Variants in SLC15A3 observed in about 807,000 individuals in gnomAD.
SLC15A3 encodes osteoclast transporter.
A neutral mutation model predicts 49.2 loss-of-function variants in SLC15A3; 39 were observed. The observed-to-expected ratio is 0.79, with a 90% CI of 0.61 to 1.04. The LOEUF (loss-of-function observed/expected upper bound fraction) is 1.04, where lower values mean the gene tolerates loss of function less well. Ranked by LOEUF, SLC15A3 falls within the 50% of genes least tolerant of loss-of-function variation. The pLI is 0.00. For synonymous variants in SLC15A3, 339 were observed against 367.0 expected, an observed-to-expected ratio of 0.92 and a Z score of 0.87; for missense variants, 758 against 794.8, an observed-to-expected ratio of 0.95 and a Z score of 0.56.
chr11:60,946,088 A>C (rs1385645770), intron 2 of SLC15A3, among the ~76,000 whole-genome samples: 1 of 151,520 alleles, frequency 6.6e-6, no homozygotes, highest in Non-Finnish European at 1.5e-5. Flanking sequence ...AACCTCCTGG[A>C]CTCGATTGAT....
chr11:60,937,712 C>T (rs1050074605), intron 7 of SLC15A3, 158 bp downstream of exon 7: 28 of 952,074 alleles, frequency 2.9e-5, no homozygotes, highest in Admixed American at 8.4e-5. Context: ...AGGGAGGCCA[C>T]GCTGTGGGTG....
In SLC15A3 at chr11:60,941,151, A is replaced by G. The variant is rs778621805; in HGVS notation, c.1247T>C (p.Phe416Ser). Residue 416 changes from phenylalanine (F) to serine (S), a missense_variant, in exon 5 of 8, where the codon TTC becomes TCC. Phe to Ser is a radical substitution (Grantham distance 155, BLOSUM62 -2). Coordinates refer to ENST00000227880, the MANE Select transcript of SLC15A3 (RefSeq NM_016582.3). The part of the protein sequence containing the change: ...SALQKMALGM[F>S]FGFTSVIVAG... Reference sequence around the variant, plus strand: ...CACAATGACGGAGGTAAAACCAAAGAACATCCCCAGCGCCATCTTCTGCAG... The same window carrying G: ...CACAATGACGGAGGTAAAACCAAAGGACATCCCCAGCGCCATCTTCTGCAG... 1 of 1,613,794 alleles carries G rather than the reference A, an allele frequency of 6.2e-7. No individual in the cohort carries two copies. Among genetic ancestry groups the G allele is most frequent in the Non-Finnish European group, 8.5e-7 (1 of 1,179,836 alleles).
At chr11:60,942,277 G>T in intron 3 of SLC15A3, 132 bp from the exon 4 acceptor site, 1 of 702,242 alleles carries the variant, frequency 1.4e-6, no homozygotes, top group Non-Finnish European at 2.5e-6. Context: ...CAGGGAGATA[G>T]TCACCTTCCC....
At chr11:60,948,548 G>A (rs905629689) in intron 1 of SLC15A3, among the ~76,000 whole-genome samples, 1 of 131,178 alleles carries the variant, frequency 7.6e-6, no homozygotes, top group Non-Finnish European at 1.5e-5. Context: ...CTGCCCCCCT[G>A]AATTCTGCAG....
At chr11:60,943,226 C>T (rs1856744950) in intron 3 of SLC15A3, 1 of 152,588 alleles carries the variant, frequency 6.6e-6, no homozygotes, top group Non-Finnish European at 1.5e-5. Flanking sequence ...AAAGTACTCA[C>T]TTTTGTGAGC....
chr11:60,937,783 C>T lies in SLC15A3; in HGVS notation c.1591+87G>A, dbSNP rs576215384. ...AGTCTAGCCCTCTACTTGCTTCTCC[C>T]CAGAGTCAAAGCACTTTAGCAGTTG... On this transcript the variant is annotated intron_variant, in intron 7 of 7. Coordinates refer to ENST00000227880, the MANE Select transcript of SLC15A3 (RefSeq NM_016582.3). 9.3e-5 allele frequency: 139 copies of T among 1,488,968 alleles called. 1 individual carries two copies. The highest frequency in any genetic ancestry group is 2.3e-5 in the East Asian group (1 of 42,912). The allele number at this position is 1,488,968 out of a possible 1,614,324, so 92.2% of individuals were successfully genotyped here.
chr11:60,938,096 G>GCTGCCC, intron 6 of SLC15A3, 71 bp from the exon 7 acceptor site: 1 of 1,526,624 alleles, frequency 6.6e-7, no homozygotes, highest in Admixed American at 2.0e-5. Context: ...GCCCCTGCTT[G>GCTGCCC]CTGCCCCTGA....
intron 1 of SLC15A3, among the ~76,000 whole-genome samples, chr11:60,950,289 G>C (rs1342383361): frequency 6.6e-6 from 1 of 152,212 alleles, no homozygotes; most frequent in Non-Finnish European, 1.5e-5. Flanking sequence ...CAGAGAGGAG[G>C]TTCATGGTGG....
chr11:60,937,183 G>A lies in SLC15A3; in HGVS notation c.*36C>T, dbSNP rs746640080. Reference sequence around the variant, plus strand: ...GAGCTGGGACTGCTGCCGTCTGTCCGGTAGAGTGAAGCAAGGGGGCTGGAA... The same window carrying A: ...GAGCTGGGACTGCTGCCGTCTGTCCAGTAGAGTGAAGCAAGGGGGCTGGAA... On this transcript the variant is annotated 3_prime_UTR_variant, in exon 8 of 8. Coordinates refer to ENST00000227880, the MANE Select transcript of SLC15A3 (RefSeq NM_016582.3). 2.3e-5 allele frequency: 37 copies of A among 1,600,462 alleles called. No homozygotes were observed. Among genetic ancestry groups the A allele is most frequent in the Admixed American group, 3.4e-5 (2 of 59,254 alleles).
rs1176228484 is a variant in SLC15A3, at chr11:60,951,936, G to T, written c.-385C>A. ...CCCTGCTTCACTTCGCTGCCCCTCC[G>T]CCTCCCTTTCCCCTCCCCGTTTGTC... On this transcript the variant is annotated 5_prime_UTR_variant, in exon 1 of 8. Coordinates refer to ENST00000227880, the MANE Select transcript of SLC15A3 (RefSeq NM_016582.3). 6.7e-6 allele frequency among the ~76,000 whole-genome samples: 1 copy of T among 150,016 alleles called. No individual in the cohort carries two copies. The highest frequency in any genetic ancestry group is 1.5e-5 in the Non-Finnish European group (1 of 67,564).
intron 1 of SLC15A3, among the ~76,000 whole-genome samples, chr11:60,949,472 AAG>A (rs1856860449): frequency 2.9e-5 from 4 of 137,576 alleles, no homozygotes; most frequent in South Asian, 2.2e-4. Context: ...GAGAGAGAGA[AAG>A]AGAAAGAAAG....
chr11:60,939,917 CCATG>C (rs1362621666), intron 5 of SLC15A3: 1 of 384,970 alleles, frequency 2.6e-6, no homozygotes, highest in Non-Finnish European at 4.7e-6. Context: ...TAGGCATTTA[CCATG>C]CATCCTTGCT....
intron 1 of SLC15A3, among the ~76,000 whole-genome samples, chr11:60,949,555 A>G (rs965954501): frequency 1.3e-5 from 1 of 75,470 alleles, no homozygotes; most frequent in African/African-American, 2.8e-5. Flanking sequence ...AAAGAAAGAA[A>G]GAAAGAAAGA....
chr11:60,943,779 G>C lies in SLC15A3; in HGVS notation c.906C>G (p.Ser302=). Residue 302 remains serine (S), a synonymous_variant, in exon 3 of 8, where the codon TCC becomes TCG. Transcript: ENST00000227880. ...GGAAGTTGGCGATGTCCTCTTGCGG[G>C]GAAGCCCCTGGCTGGGGAGACCTCT... ...ADERSPQPGA[S]PQEDIANFQV... 1 of 1,603,866 alleles carries C rather than the reference G, an allele frequency of 6.2e-7. No individual in the cohort carries two copies. Among genetic ancestry groups the C allele is most frequent in the Admixed American group, 1.7e-5 (1 of 58,800 alleles).
In SLC15A3 at chr11:60,948,222, T is replaced by C. The variant is rs370281947; in HGVS notation, c.559-1401A>G. Among the ~76,000 whole-genome samples, 52 of 152,146 alleles carry C rather than the reference T, an allele frequency of 3.4e-4. 1 individual carries two copies. In the East Asian group the frequency reaches 8.7e-3, roughly 25 times the overall value. ...AGATTCTGCGGGGTCCTCCTGGAAG[T>C]GGGGAGGGAGGGGCATACCAGCTCA... On this transcript the variant is annotated intron_variant, in intron 1 of 7. Transcript: ENST00000227880.
chr11:60,941,320 C>G (rs1348127128), intron 4 of SLC15A3, 30 bp from the exon 5 acceptor site: 2 of 1,599,272 alleles, frequency 1.3e-6, no homozygotes, highest in Admixed American at 3.4e-5. Context: ...GAGAGGCAGG[C>G]TAGCAGAGTG....
At chr11:60,942,816 G>C (rs1021346265) in intron 3 of SLC15A3, 1 of 152,350 alleles carries the variant, frequency 6.6e-6, no homozygotes, top group Non-Finnish European at 1.5e-5. Context: ...TCTCATCATA[G>C]AAATACTGTG....
intron 4 of SLC15A3, 112 bp downstream of exon 4, chr11:60,941,923 G>T (rs1029611086): frequency 1.9e-6 from 2 of 1,034,844 alleles, no homozygotes; most frequent in East Asian, 2.4e-5. Context: ...GTATCCTGAG[G>T]TTGCCTTGCA....
rs945696982 is a variant in SLC15A3, at chr11:60,943,869, C to T, written c.849-33G>A. On this transcript the variant is annotated intron_variant, in intron 2 of 7. Coordinates refer to ENST00000227880, the MANE Select transcript of SLC15A3 (RefSeq NM_016582.3). ...ACCCCAGAGGCAGCAGATAAAACAA[C>T]AGTCAAGGCTGGGCTTGGTGGCTTA... 10 of 1,481,078 alleles carry T rather than the reference C, an allele frequency of 6.8e-6. 1 individual carries two copies. Among genetic ancestry groups the T allele is most frequent in the Admixed American group, 2.2e-5 (1 of 46,060 alleles). The allele number at this position is 1,481,078 out of a possible 1,614,324, so 91.7% of individuals were successfully genotyped here.
Sources: gnomAD v4.1 joint callset for allele counts (sites outside exome capture counted in the v4.1 genomes callset) on GRCh38, gnomAD v4.1.1 for gene constraint, MANE v1.5 for transcripts, NCBI Gene and HGNC (gene_info 2026-07-23, HGNC 2026-07-21) for gene names.